The following SNORD118 variants were observed in gnomAD, a reference collection of about 807,000 sequenced individuals.
The protein encoded by SNORD118 is small nucleolar RNA, C/D box 118.
chr17:8,173,470 C>CA (rs1567550059), exon 1 of SNORD118: 1 of 764,528 alleles, frequency 1.3e-6, no homozygotes, highest in Non-Finnish European at 2.4e-6. Context: ...CAGGAGCAAT[C>CA]AGGGTGTTGC....
At position 8,173,495 on chromosome 17, in the gene SNORD118, C is replaced by T. The variant is rs908661294; in HGVS notation, n.93G>A. The T allele has an allele frequency of 2.0e-5, 15 of 765,036 alleles. No individual in the cohort carries two copies. Among genetic ancestry groups the T allele is most frequent in the Non-Finnish European group, 3.1e-5 (13 of 418,020 alleles). 47.4% of individuals were successfully genotyped at this position (765,036 alleles called of 1,614,324 possible). The stretch of plus-strand genomic sequence containing the variant: ...CAGGGTGTTGCAAGTCCTGATTACG[C>T]AGAGACGTTAATCACGTTTCATGCA... On this transcript the variant is annotated non_coding_transcript_exon_variant, in exon 1 of 1. Transcript: ENST00000363593.
exon 1 of SNORD118, chr17:8,173,523 T>C (rs551698259): frequency 2.4e-5 from 18 of 765,258 alleles, no homozygotes; most frequent in East Asian, 7.3e-5. Context: ...TTCATGCATC[T>C]CCAATCATCA....
chr17:8,173,477 T>TA (rs764410105), exon 1 of SNORD118: 3 of 764,774 alleles, frequency 3.9e-6, no homozygotes, highest in South Asian at 2.7e-5. Context: ...AATCAGGGTG[T>TA]TGCAAGTCCT....
chr17:8,173,512 T>C lies in SNORD118; in HGVS notation n.76A>G, dbSNP rs747896326. On this transcript the variant is annotated non_coding_transcript_exon_variant, in exon 1 of 1. Coordinates refer to ENST00000363593, the Ensembl canonical transcript of SNORD118. Reference sequence around the variant, plus strand: ...TGATTACGCAGAGACGTTAATCACGTTTCATGCATCTCCAATCATCATGTT... The same window carrying C: ...TGATTACGCAGAGACGTTAATCACGCTTCATGCATCTCCAATCATCATGTT... The C allele has an allele frequency of 4.6e-5, 35 of 765,310 alleles. No homozygotes were observed. The highest frequency in any genetic ancestry group is 1.9e-4 in the Admixed American group (11 of 59,028). The allele number at this position is 765,310 out of a possible 1,614,324, so 47.4% of individuals were successfully genotyped here. A position where few individuals can be genotyped will look rare whatever the true frequency, so the allele number is the denominator to read the frequency against.
exon 1 of SNORD118, chr17:8,173,524 C>G (rs769037861): frequency 1.3e-5 from 10 of 765,260 alleles, no homozygotes; most frequent in African/African-American, 3.4e-5. Flanking sequence ...TCATGCATCT[C>G]CAATCATCAT....
At chr17:8,173,454 A>G (rs760097702) in exon 1 of SNORD118, 1 of 763,432 alleles carries the variant, frequency 1.3e-6, no homozygotes, top group East Asian at 2.4e-5. Context: ...GTCAGAAAGA[A>G]TCAGACAGGA....
rs1400162090 is a variant in SNORD118, at chr17:8,173,514, T to G, written n.74A>C. 6.5e-6 allele frequency: 5 copies of G among 765,268 alleles called. No homozygotes were observed. Among genetic ancestry groups the G allele is most frequent in the Non-Finnish European group, 1.2e-5 (5 of 418,036 alleles). The allele number at this position is 765,268 out of a possible 1,614,324, so 47.4% of individuals were successfully genotyped here. On this transcript the variant is annotated non_coding_transcript_exon_variant, in exon 1 of 1. Coordinates refer to ENST00000363593, the Ensembl canonical transcript of SNORD118. ...ATTACGCAGAGACGTTAATCACGTT[T>G]CATGCATCTCCAATCATCATGTTCT...
rs763930415 is a variant in SNORD118 at position 8,173,574 on chromosome 17, A to C, written n.14T>G. 1.6e-5 allele frequency: 12 copies of C among 764,780 alleles called. No individual in the cohort carries two copies. The highest frequency in any genetic ancestry group is 2.6e-5 in the Non-Finnish European group (11 of 417,714). The allele number at this position is 764,780 out of a possible 1,614,324, so 47.4% of individuals were successfully genotyped here. A position where few individuals can be genotyped will look rare whatever the true frequency, so the allele number is the denominator to read the frequency against. On this transcript the variant is annotated non_coding_transcript_exon_variant, in exon 1 of 1. Transcript: ENST00000363593. The stretch of plus-strand genomic sequence containing the variant: ...TCCGGAGGAGGAACAGGTAAGGATT[A>C]TCCCACCTGACGATACAGACAAACA...
chr17:8,173,494 G>C (rs749380587), exon 1 of SNORD118: 4 of 765,078 alleles, frequency 5.2e-6, no homozygotes, highest in Middle Eastern at 4.7e-4. Context: ...TCCTGATTAC[G>C]CAGAGACGTT....
exon 1 of SNORD118, chr17:8,173,484 T>G (rs9901637): frequency 7.3e-5 from 56 of 764,170 alleles, no homozygotes; most frequent in South Asian, 1.2e-4. Context: ...GTGTTGCAAG[T>G]CCTGATTACG....
exon 1 of SNORD118, chr17:8,173,551 CGGA>C (rs1555525628): frequency 1.3e-6 from 1 of 765,140 alleles, no homozygotes; most frequent in East Asian, 2.4e-5. Context: ...ATCTGCCCTC[CGGA>C]GGAGGAACAG....
In SNORD118 at chr17:8,173,476, G is replaced by T. The variant is rs541427710; in HGVS notation, n.112C>A. On this transcript the variant is annotated non_coding_transcript_exon_variant, in exon 1 of 1. Transcript: ENST00000363593. ...AGAATCAGACAGGAGCAATCAGGGT[G>T]TTGCAAGTCCTGATTACGCAGAGAC... 6.5e-5 allele frequency: 50 copies of T among 764,608 alleles called. No individual in the cohort carries two copies. Among genetic ancestry groups the T allele is most frequent in the Admixed American group, 1.5e-4 (9 of 58,960 alleles). The allele number at this position is 764,608 out of a possible 1,614,324, so 47.4% of individuals were successfully genotyped here. A position where few individuals can be genotyped will look rare whatever the true frequency, so the allele number is the denominator to read the frequency against.
chr17:8,173,528 T>A (rs750457525), exon 1 of SNORD118: 2 of 765,400 alleles, frequency 2.6e-6, no homozygotes, highest in Admixed American at 1.7e-5. Context: ...GCATCTCCAA[T>A]CATCATGTTC....
exon 1 of SNORD118, chr17:8,173,533 A>C (rs769268874): frequency 1.2e-5 from 9 of 765,292 alleles, no homozygotes; most frequent in Admixed American, 1.7e-5. Context: ...TCCAATCATC[A>C]TGTTCTAATC....
chr17:8,173,523 T>TC, exon 1 of SNORD118: 1 of 765,376 alleles, frequency 1.3e-6, no homozygotes, highest in Non-Finnish European at 2.4e-6. Flanking sequence ...TTCATGCATC[T>TC]CCAATCATCA....
In SNORD118 at chr17:8,173,489, A is replaced by C. The variant is rs757122064; in HGVS notation, n.99T>G. 5.2e-6 allele frequency: 4 copies of C among 765,142 alleles called. No individual in the cohort carries two copies. Among genetic ancestry groups the C allele is most frequent in the South Asian group, 1.3e-5 (1 of 74,572 alleles). 47.4% of individuals were successfully genotyped at this position (765,142 alleles called of 1,614,324 possible). On this transcript the variant is annotated non_coding_transcript_exon_variant, in exon 1 of 1. Transcript: ENST00000363593. The stretch of plus-strand genomic sequence containing the variant: ...AGCAATCAGGGTGTTGCAAGTCCTG[A>C]TTACGCAGAGACGTTAATCACGTTT...
In SNORD118 at chr17:8,173,532, C is replaced by A. The variant is rs886039784; in HGVS notation, n.56G>T. On this transcript the variant is annotated non_coding_transcript_exon_variant, in exon 1 of 1. Transcript: ENST00000363593. ...TCACGTTTCATGCATCTCCAATCATCATGTTCTAATCTGCCCTCCGGAGGA... is the reference window on the plus strand; with the variant it reads ...TCACGTTTCATGCATCTCCAATCATAATGTTCTAATCTGCCCTCCGGAGGA... 1.3e-6 allele frequency: 1 copy of A among 765,434 alleles called. No individual in the cohort carries two copies. Among genetic ancestry groups the A allele is most frequent in the Non-Finnish European group, 2.4e-6 (1 of 418,022 alleles). The allele number at this position is 765,434 out of a possible 1,614,324, so 47.4% of individuals were successfully genotyped here.
At chr17:8,173,569 G>C (rs545394298) in exon 1 of SNORD118, 6 of 764,750 alleles carry the variant, frequency 7.8e-6, no homozygotes, top group South Asian at 1.3e-5. Context: ...GAACAGGTAA[G>C]GATTATCCCA....
exon 1 of SNORD118, chr17:8,173,568 AG>A (rs768849369): frequency 1.3e-6 from 1 of 765,072 alleles, no homozygotes; most frequent in Admixed American, 1.7e-5. Flanking sequence ...GGAACAGGTA[AG>A]GATTATCCCA....
Sources: allele counts gnomAD v4.1 joint callset, GRCh38; gene constraint gnomAD v4.1.1; transcripts MANE v1.5; gene names NCBI Gene and HGNC (gene_info 2026-07-23, HGNC 2026-07-21).